NAALADL2: variants seen among roughly 807,000 people sequenced by gnomAD.
NAALADL2 encodes the protein inactive N-acetylated-alpha-linked acidic dipeptidase-like protein 2.
In NAALADL2, 76 loss-of-function variants were observed where a neutral mutation model predicts 87.2. That is an observed-to-expected ratio of 0.87 (90% CI 0.72 to 1.05). The LOEUF is 1.05. Ranked by LOEUF, NAALADL2 falls within the 50% of genes least tolerant of loss-of-function variation. NAALADL2 has a pLI of 0.00. For synonymous variants in NAALADL2, 354 were observed against 331.0 expected (o/e 1.07, Z -0.75); for missense variants, 1,089 against 945.8 (o/e 1.15, Z -1.99).
intron 2 of NAALADL2, among the ~76,000 whole-genome samples, chr3:175,208,100 G>A (rs570422390): frequency 6.6e-6 from 1 of 152,208 alleles, no homozygotes; most frequent in East Asian, 1.9e-4. Context: ...GTTTGTTCAT[G>A]TTCCTCCATC....
chr3:174,877,257 G>A (rs1364354944), intron 1 of NAALADL2, among the ~76,000 whole-genome samples: 1 of 152,084 alleles, frequency 6.6e-6, no homozygotes, highest in East Asian at 1.9e-4. Context: ...TTACATCTAT[G>A]TAGATATCTA....
At chr3:175,230,573 T>TGG (rs1744802072) in intron 2 of NAALADL2, among the ~76,000 whole-genome samples, 1 of 152,020 alleles carries the variant, frequency 6.6e-6, no homozygotes, top group Non-Finnish European at 1.5e-5. Context: ...GATATAATTT[T>TGG]ACCCTCATTG....
chr3:174,783,829 A>C (rs552159913), intron 3 of NAALADL2, among the ~76,000 whole-genome samples: 1 of 152,162 alleles, frequency 6.6e-6, no homozygotes, highest in East Asian at 1.9e-4. Context: ...TTAATATCAG[A>C]AGGTTTGGAG....
At chr3:175,056,089 T>C (rs1580221540) in intron 1 of NAALADL2, among the ~76,000 whole-genome samples, 2 of 152,212 alleles carry the variant, frequency 1.3e-5, no homozygotes, top group Non-Finnish European at 1.5e-5. Flanking sequence ...GCTGCTCGAA[T>C]AGTCACTGAG....
At chr3:175,175,208 A>G (rs868854801) in intron 2 of NAALADL2, among the ~76,000 whole-genome samples, 24 of 152,204 alleles carry the variant, frequency 1.6e-4, no homozygotes, top group African/African-American at 5.8e-4. Context: ...AGAAATGATC[A>G]TGCTTTGTAA....
At chr3:175,016,049 G>A (rs151326573) in intron 1 of NAALADL2, among the ~76,000 whole-genome samples, 2 of 151,592 alleles carry the variant, frequency 1.3e-5, no homozygotes, top group East Asian at 1.9e-4. Context: ...ATTTTAGAGA[G>A]GGGAAACATT....
At chr3:175,435,552 T>C (rs1718486983) in intron 5 of NAALADL2, among the ~76,000 whole-genome samples, 2 of 151,990 alleles carry the variant, frequency 1.3e-5, no homozygotes, top group South Asian at 4.1e-4. Flanking sequence ...GACTGTCAAG[T>C]TTAGCACAAA....
rs1228061161 is a variant in NAALADL2, at chr3:175,806,845, A to G, written c.*3642A>G. 1.3e-5 allele frequency: 2 copies of G among 151,312 alleles called. No homozygotes were observed. The highest frequency in any genetic ancestry group is 2.4e-5 in the African/African-American group (1 of 41,232). 9.4% of individuals were successfully genotyped at this position (151,312 alleles called of 1,614,324 possible). On this transcript the variant is annotated 3_prime_UTR_variant, in exon 14 of 14. Coordinates refer to ENST00000454872, the MANE Select transcript of NAALADL2 (RefSeq NM_207015.3). ...CTGTATTCAGTTCTTTGTTCTTTAC[A>G]CTGAGTGCCGAAAAAAAAAATCAGA...
intron 1 of NAALADL2, among the ~76,000 whole-genome samples, chr3:175,089,369 G>A (rs1284806582): frequency 2.6e-5 from 4 of 152,110 alleles, no homozygotes; most frequent in Non-Finnish European, 5.9e-5. Context: ...TAGAAAGCCT[G>A]GATGTTTAAT....
chr3:174,509,400 CT>C (rs1560021809), intron 1 of NAALADL2, among the ~76,000 whole-genome samples: 1 of 77,314 alleles, frequency 1.3e-5, no homozygotes, highest in Non-Finnish European at 3.1e-5. Context: ...CTCTTCCTTT[CT>C]TTCTTTTTTT....
chr3:174,658,759 A>G (rs1264988879), intron 2 of NAALADL2, among the ~76,000 whole-genome samples: 1 of 152,192 alleles, frequency 6.6e-6, no homozygotes, highest in East Asian at 1.9e-4. Flanking sequence ...CTAAGTGATA[A>G]GAAAGCATTT....
chr3:175,338,761 G>A (rs1253832615), intron 5 of NAALADL2, among the ~76,000 whole-genome samples: 1 of 152,004 alleles, frequency 6.6e-6, no homozygotes, highest in Non-Finnish European at 1.5e-5. Context: ...GAGTGCAAGA[G>A]TTCCTTGAGT....
At chr3:175,800,554 CCCACCA>C (rs1302808296) in intron 13 of NAALADL2, among the ~76,000 whole-genome samples, 1 of 152,064 alleles carries the variant, frequency 6.6e-6, no homozygotes, top group Non-Finnish European at 1.5e-5. Flanking sequence ...ATCCTCTTTT[CCCACCA>C]CCCCTCATCA....
chr3:175,698,471 G>A lies in NAALADL2; in HGVS notation c.1897-38835G>A, dbSNP rs1433256685. 1.4e-4 allele frequency among the ~76,000 whole-genome samples: 14 copies of A among 99,000 alleles called. 1 individual carries two copies. The highest frequency in any genetic ancestry group is 6.5e-4 in the African/African-American group (11 of 16,930). The allele number at this position is 99,000 out of a possible 152,430, so 64.9% of individuals were successfully genotyped here. A position where few individuals can be genotyped will look rare whatever the true frequency, so the allele number is the denominator to read the frequency against. On this transcript the variant is annotated intron_variant, in intron 11 of 13. Coordinates refer to ENST00000454872, the MANE Select transcript of NAALADL2 (RefSeq NM_207015.3). ...TGTATACATATATGTGTATATATGT[G>A]TGTATATATATTTATATATATATAT... is the stretch of plus-strand genomic sequence containing the variant.
At chr3:175,383,577 G>A (rs906443253) in intron 5 of NAALADL2, among the ~76,000 whole-genome samples, 2 of 151,886 alleles carry the variant, frequency 1.3e-5, no homozygotes, top group Admixed American at 1.3e-4. Flanking sequence ...ATATCCCCTA[G>A]AGATATATAA....
chr3:175,079,127 G>T (rs1717228888), intron 1 of NAALADL2, among the ~76,000 whole-genome samples: 1 of 152,180 alleles, frequency 6.6e-6, no homozygotes, highest in Non-Finnish European at 1.5e-5. Context: ...CTACCTTAGT[G>T]AGTGTGAATT....
intron 11 of NAALADL2, among the ~76,000 whole-genome samples, chr3:175,655,904 C>T (rs1017639808): frequency 6.6e-6 from 1 of 152,034 alleles, no homozygotes; most frequent in Non-Finnish European, 1.5e-5. Context: ...AAGTAATACG[C>T]CCTTTGTGCA....
chr3:174,531,627 A>C (rs1721250856), intron 1 of NAALADL2, among the ~76,000 whole-genome samples: 1 of 152,180 alleles, frequency 6.6e-6, no homozygotes, highest in Non-Finnish European at 1.5e-5. Context: ...TTATTATTTA[A>C]AAATCAGAAA....
At chr3:175,460,806 C>G (rs997635481) in intron 6 of NAALADL2, among the ~76,000 whole-genome samples, 20 of 152,138 alleles carry the variant, frequency 1.3e-4, no homozygotes, top group Admixed American at 7.2e-4. Flanking sequence ...AAGAGATGAT[C>G]ATGTTCCCAA....
Sources: gnomAD v4.1 joint callset for allele counts (sites outside exome capture counted in the v4.1 genomes callset) on GRCh38, gnomAD v4.1.1 for gene constraint, MANE v1.5 for transcripts, NCBI Gene and HGNC (gene_info 2026-07-23, HGNC 2026-07-21) for gene names.